Variants in RCC2 observed in about 807,000 individuals in gnomAD.
RCC2 encodes regulator of chromosome condensation 2, also known as protein RCC2.
A neutral mutation model predicts 64.1 loss-of-function variants in RCC2; 19 were observed. The ratio of observed to expected loss-of-function variants is 0.30; its 90% CI spans 0.21 to 0.44. The LOEUF is 0.44. Among genes scored for constraint, RCC2 ranks in the 20% least tolerant of loss-of-function variants. The pLI is 1.00. For missense variants in RCC2, 508 were observed against 710.4 expected (o/e 0.72, Z 3.24); for synonymous variants, 325 against 279.6 (o/e 1.16, Z -1.62).
rs560309825 is a variant in RCC2 at position 17,416,405 on chromosome 1, C to T, written c.1026+75G>A. 24 of 1,487,322 alleles carry T rather than the reference C, an allele frequency of 1.6e-5. No individual in the cohort carries two copies. In the East Asian group the frequency reaches 3.2e-4, roughly 20 times the overall value. 92.1% of individuals were successfully genotyped at this position (1,487,322 alleles called of 1,614,324 possible). ...GGATCAGTTCCTAGCCAAAGCCAAG[C>T]GTCAGGAAACTTGAGCATAAACACC... On this transcript the variant is annotated intron_variant, in intron 8 of 12. Transcript: ENST00000375436.
chr1:17,422,572 A>C, intron 5 of RCC2, 133 bp downstream of exon 5: 7 of 1,229,224 alleles, frequency 5.7e-6, no homozygotes, highest in Non-Finnish European at 6.8e-6. Context: ...CTCCATGCCA[A>C]GGTTCTCAGG....
At chr1:17,427,993 C>T (rs1175524428) in intron 3 of RCC2, among the ~76,000 whole-genome samples, 1 of 152,188 alleles carries the variant, frequency 6.6e-6, no homozygotes, top group Non-Finnish European at 1.5e-5. Context: ...AAAACCAAGA[C>T]ATCCAGGCTG....
At chr1:17,430,761 T>C (rs1197715986) in intron 2 of RCC2, among the ~76,000 whole-genome samples, 3 of 150,924 alleles carry the variant, frequency 2.0e-5, no homozygotes, top group Non-Finnish European at 4.4e-5. Context: ...GCACTCCCAG[T>C]GTTGCTGCCC....
At chr1:17,416,981 C>T (rs2075494050) in intron 7 of RCC2, among the ~76,000 whole-genome samples, 1 of 152,146 alleles carries the variant, frequency 6.6e-6, no homozygotes, top group Non-Finnish European at 1.5e-5. Context: ...CAAAAGAAAA[C>T]TTATTTCTTA....
intron 1 of RCC2, among the ~76,000 whole-genome samples, chr1:17,439,027 C>G (rs2075776605): frequency 1.3e-5 from 2 of 151,762 alleles, no homozygotes; most frequent in South Asian, 2.1e-4. Flanking sequence ...ATGCAACGCT[C>G]TCCCCCACCC....
At position 17,413,713 on chromosome 1, in the gene RCC2, A is replaced by C; in HGVS notation, c.1031T>G (p.Val344Gly). ...GAAGACTCGCTTCTGGGAGTCCAGG[A>C]CCAGCTGCAAGGAAAGAAAACACAG... is the stretch of plus-strand genomic sequence containing the variant. ...DVACGANHTL[V>G]LDSQKRVFSW... The change falls in exon 9 of 13, where the codon GTC (valine) becomes GGC (glycine). Residue 344 changes from valine to glycine, a missense_variant. By Grantham distance (109) the Val-to-Gly change is moderately radical. Transcript: ENST00000375436. 1 of 1,607,576 alleles carries C rather than the reference A, an allele frequency of 6.2e-7. No individual in the cohort carries two copies. Among genetic ancestry groups the C allele is most frequent in the Non-Finnish European group, 8.5e-7 (1 of 1,177,382 alleles).
At chr1:17,417,760 ACGGCACG>A (rs1557624572) in intron 7 of RCC2, among the ~76,000 whole-genome samples, 2 of 151,974 alleles carry the variant, frequency 1.3e-5, no homozygotes, top group African/African-American at 4.8e-5. Flanking sequence ...CCCCCTCCAT[ACGGCACG>A]CTGGTGTGCA....
At chr1:17,420,955 A>C (rs1440177482) in intron 6 of RCC2, 127 bp from the exon 7 acceptor site, 1 of 652,670 alleles carries the variant, frequency 1.5e-6, no homozygotes, top group African/African-American at 1.8e-5. Flanking sequence ...AGTAATTCTG[A>C]AGGCAAAAGC....
intron 3 of RCC2, among the ~76,000 whole-genome samples, chr1:17,426,083 G>A (rs994205756): frequency 3.9e-5 from 6 of 152,114 alleles, no homozygotes; most frequent in East Asian, 1.9e-4. Flanking sequence ...TTCCACAGCC[G>A]TCAGCTGAGG....
At position 17,416,429 on chromosome 1, in the gene RCC2, C is replaced by T. The variant is rs569183565; in HGVS notation, c.1026+51G>A. ...GCGTCAGGAAACTTGAGCATAAACA[C>T]CCCTTCCATCCTGGTGCGACTCTCA... On this transcript the variant is annotated intron_variant, in intron 8 of 12. Transcript: ENST00000375436. The T allele has an allele frequency of 1.9e-6, 3 of 1,558,144 alleles. No homozygotes were observed. The African/African-American group carries it at 4.1e-5, about 21-fold the overall frequency.
intron 3 of RCC2, 32 bp from the exon 4 acceptor site, chr1:17,425,716 C>T (rs140516033): frequency 6.3e-7 from 1 of 1,582,224 alleles, no homozygotes; most frequent in Middle Eastern, 1.7e-4. Context: ...AGATCAGACA[C>T]CTGGGGTGGT....
At chr1:17,409,292 T>A in intron 12 of RCC2, 98 bp from the exon 13 acceptor site, 1 of 810,702 alleles carries the variant, frequency 1.2e-6, no homozygotes, top group Non-Finnish European at 2.1e-6. Context: ...CGGGTCAGCA[T>A]GGAGAAAAAC....
chr1:17,413,219 C>T (rs952651317), intron 9 of RCC2, 41 bp from the exon 10 acceptor site: 12 of 1,392,460 alleles, frequency 8.6e-6, no homozygotes, highest in South Asian at 1.2e-5. Flanking sequence ...GACCAGACAT[C>T]GAGAGCTGAG....
intron 3 of RCC2, among the ~76,000 whole-genome samples, chr1:17,428,429 A>C (rs1319993579): frequency 6.6e-6 from 1 of 152,186 alleles, no homozygotes; most frequent in Non-Finnish European, 1.5e-5. Context: ...CCCTGTTTTA[A>C]GGTGCCAAGA....
intron 4 of RCC2, among the ~76,000 whole-genome samples, chr1:17,424,873 G>A (rs1057105467): frequency 3.3e-5 from 5 of 152,166 alleles, no homozygotes; most frequent in South Asian, 2.1e-4. Flanking sequence ...TGGGCCGGCC[G>A]GCTGCAGAGG....
At position 17,438,377 on chromosome 1, in the gene RCC2, G is replaced by C; in HGVS notation, c.138C>G (p.Ser46Arg). 8.0e-7 allele frequency: 1 copy of C among 1,248,606 alleles called. No individual in the cohort carries two copies. Among genetic ancestry groups the C allele is most frequent in the Non-Finnish European group, 1.0e-6 (1 of 1,000,572 alleles). The allele number at this position is 1,248,606 out of a possible 1,614,324, so 77.3% of individuals were successfully genotyped here. The change falls in exon 2 of 13, where the codon AGC (serine) becomes AGG (arginine). Residue 46 changes from serine to arginine, a missense_variant. Around this residue, in one of 4 missense-constraint regions of RCC2, gnomAD observed 195 missense variants for 158.3 expected, o/e 1.23. Transcript: ENST00000375436. The part of the protein sequence containing the change: ...RERPERCSSS[S>R]GGGSSGDEDG... ...CCTCGTCGCCGCTGCTGCCGCCGCCGCTGCTGCTACTGCAGCGCTCGGGCC... is the reference window on the plus strand; with the variant it reads ...CCTCGTCGCCGCTGCTGCCGCCGCCCCTGCTGCTACTGCAGCGCTCGGGCC...
intron 12 of RCC2, 76 bp from the exon 13 acceptor site, chr1:17,409,270 G>T: frequency 1.0e-6 from 1 of 970,434 alleles, no homozygotes; most frequent in Non-Finnish European, 1.7e-6. Flanking sequence ...TCTGGAAACT[G>T]GGCTGCTAAA....
intron 4 of RCC2, 88 bp from the exon 5 acceptor site, chr1:17,422,924 A>C: frequency 9.1e-5 from 136 of 1,493,004 alleles, no homozygotes; most frequent in Non-Finnish European, 1.1e-4. Flanking sequence ...ACACTCTCAA[A>C]TGATGCCCAT....
intron 2 of RCC2, among the ~76,000 whole-genome samples, chr1:17,432,989 AATATAT>A (rs1009312100): frequency 7.2e-5 from 11 of 151,934 alleles, no homozygotes; most frequent in Middle Eastern, 3.4e-3. Flanking sequence ...AAAAGAAAAA[AATATAT>A]ATATACACTC....
Sources: allele counts gnomAD v4.1 joint callset (sites outside exome capture counted in the v4.1 genomes callset), GRCh38; gene constraint gnomAD v4.1.1; regional missense constraint gnomAD v4.1.1; transcripts MANE v1.5; gene names NCBI Gene and HGNC (gene_info 2026-07-23, HGNC 2026-07-21).